The following DAB2IP variants were observed in gnomAD, a reference collection of about 807,000 sequenced individuals.
DAB2IP encodes disabled homolog 2-interacting protein.
A neutral mutation model predicts 107.2 loss-of-function variants in DAB2IP; 28 were observed. The ratio of observed to expected loss-of-function variants is 0.26; its 90% CI spans 0.19 to 0.36. The LOEUF (loss-of-function observed/expected upper bound fraction) is 0.36. Among genes scored for constraint, DAB2IP ranks in the 10% least tolerant of loss-of-function variants. DAB2IP has a pLI of 1.00. For missense variants in DAB2IP, 1,400 were observed against 1,644.7 expected, an observed-to-expected ratio of 0.85 and a Z score of 2.57; for synonymous variants, 755 against 706.4, an observed-to-expected ratio of 1.07 and a Z score of -1.09.
chr9:121,615,774 G>A (rs1219010631), intron 1 of DAB2IP, among the ~76,000 whole-genome samples: 1 of 151,824 alleles, frequency 6.6e-6, no homozygotes, highest in South Asian at 2.1e-4. Flanking sequence ...TTACAGGTGC[G>A]CACCACCATG....
At position 121,633,095 on chromosome 9, in the gene DAB2IP, G is replaced by T. The variant is rs979392462; in HGVS notation, c.41-45583G>T. Among the ~76,000 whole-genome samples the T allele has an allele frequency of 1.3e-5, 2 of 152,200 alleles. No individual in the cohort carries two copies. Among genetic ancestry groups the T allele is most frequent in the Non-Finnish European group, 2.9e-5 (2 of 68,034 alleles). ...AATTTGCTGTTTTGTAGAGCATGTG[G>T]ATGCATATTTGGGGGGCTTAATCTT... On this transcript the variant is annotated intron_variant, in intron 1 of 16. Transcript: ENST00000259371. The surrounding 1 kb of genome is among the most constrained non-coding windows in gnomAD (Gnocchi z 5.1).
intron 3 of DAB2IP, among the ~76,000 whole-genome samples, chr9:121,746,840 T>C (rs1482127792): frequency 6.6e-6 from 1 of 152,222 alleles, no homozygotes; most frequent in Non-Finnish European, 1.5e-5. Context: ...CTGAGGTGGC[T>C]GTTGGAGGTA....
At chr9:121,663,141 A>C (rs1833276070) in intron 1 of DAB2IP, among the ~76,000 whole-genome samples, 1 of 152,202 alleles carries the variant, frequency 6.6e-6, no homozygotes, top group African/African-American at 2.4e-5. Context: ...AGGAATAGGA[A>C]GCATGGGCTG....
chr9:121,689,953 T>C (rs1829079929), intron 2 of DAB2IP, among the ~76,000 whole-genome samples: 2 of 152,258 alleles, frequency 1.3e-5, no homozygotes, highest in South Asian at 4.1e-4. Context: ...GCAGCCTGTC[T>C]GCTGTGTTGA....
chr9:121,658,071 T>G (rs187097165), intron 1 of DAB2IP, among the ~76,000 whole-genome samples: 54 of 152,312 alleles, frequency 3.5e-4, no homozygotes, highest in African/African-American at 1.3e-3. Flanking sequence ...CTGAAGTGCC[T>G]GGGCTCCTGG....
chr9:121,716,048 C>T (rs1564175450), intron 3 of DAB2IP, among the ~76,000 whole-genome samples: 1 of 152,192 alleles, frequency 6.6e-6, no homozygotes, highest in Non-Finnish European at 1.5e-5. Flanking sequence ...TGGAGCCCCA[C>T]CCTGGGAGGG....
In DAB2IP at chr9:121,736,109, G is replaced by A. The variant is rs1831884155; in HGVS notation, c.363-20904G>A. ...TAGACCCAAGTCGGGGTGGGGAGTC[G>A]GGTTAGGGGATCATGGTAGACAAAC... On this transcript the variant is annotated intron_variant, in intron 3 of 15. Coordinates refer to ENST00000408936, the Ensembl canonical transcript of DAB2IP. The surrounding 1 kb of genome is among the most constrained non-coding windows in gnomAD (Gnocchi z 4.6). Among the ~76,000 whole-genome samples the A allele has an allele frequency of 6.6e-6, 1 of 152,200 alleles. No homozygotes were observed. Among genetic ancestry groups the A allele is most frequent in the African/African-American group, 2.4e-5 (1 of 41,446 alleles).
exon 12 of DAB2IP, chr9:121,773,412 G>A: frequency 6.9e-6 from 11 of 1,583,650 alleles, no homozygotes; most frequent in Non-Finnish European, 9.4e-6. Context: ...TGATTGGGTG[G>A]GCCCCAGTAC....
At chr9:121,587,760 C>T (rs927102260) in intron 1 of DAB2IP, among the ~76,000 whole-genome samples, 3 of 152,044 alleles carry the variant, frequency 2.0e-5, no homozygotes, top group African/African-American at 7.2e-5. Context: ...CTGAGAATGC[C>T]TGGGTGAGAG....
intron 1 of DAB2IP, among the ~76,000 whole-genome samples, chr9:121,663,329 C>A (rs959508547): frequency 2.0e-5 from 3 of 152,096 alleles, no homozygotes; most frequent in Admixed American, 2.0e-4. Context: ...AGGGCCCTAC[C>A]CAGCATCCTG....
intron 3 of DAB2IP, among the ~76,000 whole-genome samples, chr9:121,725,807 G>A (rs1318222576): frequency 6.6e-5 from 10 of 152,176 alleles, no homozygotes; most frequent in Admixed American, 6.5e-4. Context: ...GAGAGTGCAA[G>A]GAATAGAGGG....
At chr9:121,748,041 A>C (rs1158884330) in intron 3 of DAB2IP, among the ~76,000 whole-genome samples, 1 of 152,126 alleles carries the variant, frequency 6.6e-6, no homozygotes, top group African/African-American at 2.4e-5. Context: ...CTTTGGCCCA[A>C]GTCACCCCAG....
At position 121,698,270 on chromosome 9, in the gene DAB2IP, C is replaced by A. The variant is rs1564163394; in HGVS notation, c.229-1055C>A. On this transcript the variant is annotated intron_variant, in intron 2 of 15. Transcript: ENST00000408936. The surrounding 1 kb of genome is among the most constrained non-coding windows in gnomAD (Gnocchi z 4.1). ...ACTCCCCCTCCTCCAGTTTTCCTCT[C>A]CCTCAAGCTGCCTGTAGTTTCCAAG... Among the ~76,000 whole-genome samples the A allele has an allele frequency of 6.6e-6, 1 of 152,160 alleles. No homozygotes were observed. Among genetic ancestry groups the A allele is most frequent in the Non-Finnish European group, 1.5e-5 (1 of 68,028 alleles).
At position 121,759,864 on chromosome 9, in the gene DAB2IP, T is replaced by G. The variant is rs751611005; in HGVS notation, c.616-21T>G. The G allele has an allele frequency of 6.3e-6, 10 of 1,598,082 alleles. No homozygotes were observed. The Admixed American group carries it at 1.7e-4, about 27-fold the overall frequency. On this transcript the variant is annotated intron_variant, in intron 5 of 15. Transcript: ENST00000408936. ...ACGTGGCACCCCCAGCTGACCACCC[T>G]GGACCCCCGTGCACATACAGGACAA...
At chr9:121,624,776 A>T (rs1283564599) in intron 1 of DAB2IP, among the ~76,000 whole-genome samples, 1 of 152,228 alleles carries the variant, frequency 6.6e-6, no homozygotes, top group African/African-American at 2.4e-5. Flanking sequence ...TGCATTTCTC[A>T]GGACATATCT....
At chr9:121,748,809 G>T (rs1015454062) in intron 3 of DAB2IP, among the ~76,000 whole-genome samples, 4 of 152,204 alleles carry the variant, frequency 2.6e-5, no homozygotes, top group Non-Finnish European at 4.4e-5. Context: ...TGGTTGCAGG[G>T]TGTGGACCCT....
chr9:121,746,286 G>T (rs1238972282), intron 3 of DAB2IP, among the ~76,000 whole-genome samples: 2 of 152,210 alleles, frequency 1.3e-5, no homozygotes, highest in African/African-American at 2.4e-5. Flanking sequence ...GCTGTGTATG[G>T]AGAGCTCGCT....
At chr9:121,775,251 C>T (rs1375820244) in intron 13 of DAB2IP, among the ~76,000 whole-genome samples, 2 of 152,212 alleles carry the variant, frequency 1.3e-5, no homozygotes, top group African/African-American at 4.8e-5. Context: ...CCTGTGGCAA[C>T]CTCTCGAGCA....
Position 121,633,285 on chromosome 9 carries a change from G to A in DAB2IP, c.41-45393G>A, listed in dbSNP as rs1030877457. On this transcript the variant is annotated intron_variant, in intron 1 of 16. Transcript: ENST00000259371. This position sits in a 1 kb window ranked among gnomAD's most constrained non-coding sequence, Gnocchi z 5.1. ...CGAGGCCCAGAGAGAGGACATTCCC[G>A]CTTGACCCTCCCCAGGCCTATAAAT... is the stretch of plus-strand genomic sequence containing the variant. 2.0e-5 allele frequency among the ~76,000 whole-genome samples: 3 copies of A among 152,048 alleles called. No individual in the cohort carries two copies. Among genetic ancestry groups the A allele is most frequent in the Admixed American group, 1.3e-4 (2 of 15,268 alleles).
Sources: allele counts gnomAD v4.1 joint callset (sites outside exome capture counted in the v4.1 genomes callset), GRCh38; gene constraint gnomAD v4.1.1; non-coding constraint Gnocchi (gnomAD v3.1); transcripts MANE v1.5; gene names NCBI Gene and HGNC (gene_info 2026-07-23, HGNC 2026-07-21).